COL25A1: variants seen among roughly 807,000 people sequenced by gnomAD.
COL25A1 encodes collagen type XXV alpha 1 chain.
COL25A1 carries 103 observed loss-of-function variants against 128.4 expected under a neutral mutation model. That is an observed-to-expected ratio of 0.80 (90% CI 0.68 to 0.94). The LOEUF is 0.94. Among genes scored for constraint, COL25A1 ranks in the 40% least tolerant of loss-of-function variants. COL25A1 has a pLI of 0.00. For synonymous variants in COL25A1, 279 were observed against 277.2 expected (o/e 1.01, Z -0.06); for missense variants, 745 against 840.0 (o/e 0.89, Z 1.40).
At chr4:109,022,099 A>G (rs1757824467) in intron 5 of COL25A1, 1 of 447,056 alleles carries the variant, frequency 2.2e-6, no homozygotes, top group African/African-American at 2.0e-5. Flanking sequence ...CTGTTCGTAC[A>G]CCCCCTCCCC....
At chr4:109,224,993 A>G (rs1778704493) in intron 3 of COL25A1, among the ~76,000 whole-genome samples, 1 of 152,146 alleles carries the variant, frequency 6.6e-6, no homozygotes, top group Non-Finnish European at 1.5e-5. Context: ...TACCTGAGTC[A>G]TACTCCCAGA....
intron 3 of COL25A1, among the ~76,000 whole-genome samples, chr4:109,075,945 A>G (rs996693534): frequency 6.6e-6 from 1 of 152,174 alleles, no homozygotes; most frequent in Non-Finnish European, 1.5e-5. Context: ...GATAGAAAAT[A>G]TTTGGGAAAA....
intron 11 of COL25A1, among the ~76,000 whole-genome samples, chr4:108,928,550 T>C (rs28565902): frequency 8.7e-6 from 1 of 114,578 alleles, no homozygotes; most frequent in Non-Finnish European, 2.0e-5. Flanking sequence ...ATTTATTTAT[T>C]TATTTCTACA....
At chr4:109,255,559 G>A (rs1322031194) in intron 3 of COL25A1, among the ~76,000 whole-genome samples, 2 of 151,940 alleles carry the variant, frequency 1.3e-5, no homozygotes, top group Non-Finnish European at 2.9e-5. Flanking sequence ...TTCCCTCCTC[G>A]CAACTACACC....
At chr4:109,114,552 G>A (rs1285501972) in intron 3 of COL25A1, among the ~76,000 whole-genome samples, 1 of 152,062 alleles carries the variant, frequency 6.6e-6, no homozygotes, top group Non-Finnish European at 1.5e-5. Context: ...GTAGGACCAG[G>A]GAGCTGCATG....
At chr4:109,185,919 C>T (rs1775090926) in intron 3 of COL25A1, among the ~76,000 whole-genome samples, 1 of 152,208 alleles carries the variant, frequency 6.6e-6, no homozygotes, top group Admixed American at 6.5e-5. Context: ...GGACGACTTC[C>T]AGCCTCCAGA....
At chr4:109,015,480 T>G (rs2126054927) in intron 5 of COL25A1, among the ~76,000 whole-genome samples, 1 of 152,260 alleles carries the variant, frequency 6.6e-6, no homozygotes, top group African/African-American at 2.4e-5. Flanking sequence ...AATAAAAACC[T>G]GAATCTAGTA....
At chr4:109,200,697 C>T (rs1776494819) in intron 3 of COL25A1, among the ~76,000 whole-genome samples, 1 of 152,144 alleles carries the variant, frequency 6.6e-6, no homozygotes, top group Non-Finnish European at 1.5e-5. Flanking sequence ...AGTGATCTGC[C>T]CACCTTGGCC....
intron 19 of COL25A1, among the ~76,000 whole-genome samples, chr4:108,876,244 G>C (rs1420629496): frequency 6.6e-6 from 1 of 151,474 alleles, no homozygotes; most frequent in Admixed American, 6.6e-5. Flanking sequence ...TAAGGTGAGA[G>C]AGAATAGTAA....
intron 3 of COL25A1, among the ~76,000 whole-genome samples, chr4:109,056,896 G>A (rs1043935091): frequency 9.9e-5 from 15 of 152,134 alleles, no homozygotes; most frequent in African/African-American, 2.4e-4. Context: ...AAGTGGTGTC[G>A]AACATCGCTA....
At chr4:109,071,486 A>G (rs1368626001) in intron 3 of COL25A1, among the ~76,000 whole-genome samples, 3 of 152,192 alleles carry the variant, frequency 2.0e-5, no homozygotes, top group Admixed American at 2.0e-4. Context: ...ACAGCAAAAG[A>G]AACCACCATC....
At chr4:109,237,562 G>C (rs957803231) in intron 3 of COL25A1, among the ~76,000 whole-genome samples, 1 of 149,092 alleles carries the variant, frequency 6.7e-6, no homozygotes, top group Non-Finnish European at 1.5e-5. Flanking sequence ...AAATTGGCAA[G>C]TTTCCACTGG....
intron 3 of COL25A1, among the ~76,000 whole-genome samples, chr4:109,239,693 T>A (rs75293035): frequency 0.022 from 3,372 of 151,816 alleles, 105 homozygotes; most frequent in African/African-American, 0.069. Context: ...GTAGGCCTTA[T>A]AAACACAGTA....
chr4:109,193,278 G>GA (rs111851704), intron 3 of COL25A1, among the ~76,000 whole-genome samples: 32 of 146,356 alleles, frequency 2.2e-4, no homozygotes, highest in East Asian at 1.2e-3. Flanking sequence ...GCTGGTTTAA[G>GA]AAAAAAAAAA....
rs1360714120 is a variant in COL25A1, at chr4:108,812,867, A to C, written c.*1060T>G. 6.6e-6 allele frequency: 1 copy of C among 152,168 alleles called. No individual in the cohort carries two copies. Among genetic ancestry groups the C allele is most frequent in the African/African-American group, 2.4e-5 (1 of 41,440 alleles). The allele number at this position is 152,168 out of a possible 1,614,324, so 9.4% of individuals were successfully genotyped here. On this transcript the variant is annotated 3_prime_UTR_variant, in exon 38 of 38. Transcript: ENST00000399132. The stretch of plus-strand genomic sequence containing the variant: ...CTCAGAACATGTTATTTCTTCAGCA[A>C]CCCAAGTTTTGGTGGGATGGACATC...
At chr4:108,862,684 C>A in intron 21 of COL25A1, 139 bp from the exon 22 acceptor site, 2 of 694,354 alleles carry the variant, frequency 2.9e-6, no homozygotes, top group South Asian at 1.7e-5. Context: ...TATGGCTCTA[C>A]AGAATGTCGG....
At chr4:108,943,457 T>G (rs1481657156) in intron 8 of COL25A1, among the ~76,000 whole-genome samples, 2 of 152,158 alleles carry the variant, frequency 1.3e-5, no homozygotes, top group African/African-American at 4.8e-5. Context: ...TCCAATCATA[T>G]GATGAATCTC....
intron 3 of COL25A1, among the ~76,000 whole-genome samples, chr4:109,265,437 T>C (rs978864670): frequency 6.6e-6 from 1 of 152,134 alleles, no homozygotes; most frequent in African/African-American, 2.4e-5. Context: ...ATTTTCCTTA[T>C]ACTTTTTCCA....
At chr4:109,243,664 A>G (rs913059501) in intron 3 of COL25A1, among the ~76,000 whole-genome samples, 1 of 152,098 alleles carries the variant, frequency 6.6e-6, no homozygotes, top group African/African-American at 2.4e-5. Context: ...ATGAGGACAG[A>G]ACCAAAAGAA....
Sources: allele counts gnomAD v4.1 joint callset (sites outside exome capture counted in the v4.1 genomes callset), GRCh38; gene constraint gnomAD v4.1.1; transcripts MANE v1.5; gene names NCBI Gene and HGNC (gene_info 2026-07-23, HGNC 2026-07-21).